Variants in CALCR observed in about 807,000 individuals in gnomAD.
CALCR encodes the protein calcitonin receptor.
Under a neutral mutation model 59.5 loss-of-function variants are expected in CALCR, and 47 were observed. The ratio of observed to expected loss-of-function variants is 0.79; its 90% CI spans 0.63 to 1.01. The LOEUF is 1.01. Ranked by LOEUF, CALCR falls within the 50% of genes least tolerant of loss-of-function variation. The pLI, the probability that CALCR is intolerant of heterozygous loss-of-function variation, is 0.00. For missense variants in CALCR, 566 were observed against 597.1 expected, an observed-to-expected ratio of 0.95 and a Z score of 0.54; for synonymous variants, 213 against 211.3, an observed-to-expected ratio of 1.01 and a Z score of -0.07.
At chr7:93,565,789 T>C (rs1432118996) in intron 2 of CALCR, among the ~76,000 whole-genome samples, 3 of 152,216 alleles carry the variant, frequency 2.0e-5, no homozygotes. Flanking sequence ...TCTGTGAATC[T>C]TGGGCGAAAG....
chr7:93,527,620 C>T (rs1250320212), intron 2 of CALCR, among the ~76,000 whole-genome samples: 2 of 152,110 alleles, frequency 1.3e-5, no homozygotes, highest in Non-Finnish European at 2.9e-5. Flanking sequence ...TAGCAAATAA[C>T]TGACTGGTTC....
At chr7:93,461,934 A>T in intron 7 of CALCR, 1 of 640,644 alleles carries the variant, frequency 1.6e-6, no homozygotes, top group South Asian at 1.8e-5. Context: ...GAGAGCGTAA[A>T]ACATGCCAAT....
At chr7:93,554,389 C>A (rs1196448195) in intron 2 of CALCR, among the ~76,000 whole-genome samples, 1 of 151,944 alleles carries the variant, frequency 6.6e-6, no homozygotes, top group Non-Finnish European at 1.5e-5. Flanking sequence ...GAATAAGAAC[C>A]ACCTTACATA....
chr7:93,426,613 T>A (rs1456970023), intron 13 of CALCR, 24 bp from the exon 14 acceptor site: 2 of 1,214,274 alleles, frequency 1.6e-6, no homozygotes, highest in South Asian at 2.6e-5. Flanking sequence ...AGGAGCCTTG[T>A]TTTTATATGA....
chr7:93,481,683 C>A (rs537718519), intron 3 of CALCR, among the ~76,000 whole-genome samples: 2 of 151,828 alleles, frequency 1.3e-5, no homozygotes, highest in Admixed American at 6.6e-5. Context: ...ATTATTATAA[C>A]ATTACTGTGA....
At chr7:93,448,733 T>G (rs909132040) in intron 8 of CALCR, among the ~76,000 whole-genome samples, 5 of 151,956 alleles carry the variant, frequency 3.3e-5, no homozygotes, top group African/African-American at 9.7e-5. Context: ...TCTACCCAGT[T>G]TGTGTGAAAA....
At chr7:93,481,464 C>G (rs190144757) in intron 3 of CALCR, among the ~76,000 whole-genome samples, 2 of 151,812 alleles carry the variant, frequency 1.3e-5, no homozygotes, top group East Asian at 3.9e-4. Context: ...GAATGGGAAA[C>G]AGTAATAGTC....
chr7:93,460,593 G>GTGTATATATATATATA (rs1296016997), intron 8 of CALCR, among the ~76,000 whole-genome samples: 1 of 89,378 alleles, frequency 1.1e-5, no homozygotes, highest in African/African-American at 5.3e-5. Flanking sequence ...ATATATATAT[G>GTGTATATATATATATA]TATATATATA....
intron 6 of CALCR, among the ~76,000 whole-genome samples, chr7:93,469,770 G>C (rs1254092746): frequency 1.3e-5 from 2 of 151,542 alleles, no homozygotes; most frequent in Non-Finnish European, 2.9e-5. Context: ...CTTGGCTTTT[G>C]GTCTTAAGTT....
At chr7:93,460,597 A>ATATATATATATG (rs1554397848) in intron 8 of CALCR, among the ~76,000 whole-genome samples, 3 of 133,762 alleles carry the variant, frequency 2.2e-5, no homozygotes, top group African/African-American at 6.0e-5. Flanking sequence ...ATATATGTAT[A>ATATATATATATG]TATATATATA....
chr7:93,524,272 C>A (rs1202677076), intron 2 of CALCR, among the ~76,000 whole-genome samples: 1 of 151,368 alleles, frequency 6.6e-6, no homozygotes, highest in Admixed American at 6.6e-5. Flanking sequence ...CTGGTTCACG[C>A]CATTCTCCTG....
intron 2 of CALCR, among the ~76,000 whole-genome samples, chr7:93,566,382 C>T (rs1326542884): frequency 6.6e-6 from 1 of 151,982 alleles, no homozygotes; most frequent in Non-Finnish European, 1.5e-5. Flanking sequence ...GTCACAGTTC[C>T]GGTGGCCTGA....
Position 93,460,900 on chromosome 7 carries a change from G to A in CALCR, c.569C>T (p.Thr190Ile). 1.2e-6 allele frequency: 2 copies of A among 1,611,950 alleles called. No individual in the cohort carries two copies. Among genetic ancestry groups the A allele is most frequent in the Non-Finnish European group, 1.7e-6 (2 of 1,178,812 alleles). The change falls in exon 8 of 14, where the codon ACT becomes ATT. Residue 190 changes from threonine (T) to isoleucine (I), a missense_variant. By Grantham distance (89) the Thr-to-Ile change is moderately conservative (BLOSUM62 -1). Transcript: ENST00000426151. ...RVTLHKNMFL[T>I]YILNSMIIII... ...GATAATCATAGAATTCAGAATGTAA[G>A]TAAGAAACATGTTCTTGTGCAGGGT...
chr7:93,436,594 G>T (rs1365096416), intron 11 of CALCR, among the ~76,000 whole-genome samples: 4 of 152,090 alleles, frequency 2.6e-5, no homozygotes, highest in South Asian at 2.1e-4. Context: ...TCTAAGTTTT[G>T]TCTTTTCAGT....
At chr7:93,429,479 AT>A (rs1396341333) in intron 13 of CALCR, among the ~76,000 whole-genome samples, 2 of 152,226 alleles carry the variant, frequency 1.3e-5, no homozygotes, top group African/African-American at 4.8e-5. Flanking sequence ...GATTATATCT[AT>A]TTATGTATTG....
intron 2 of CALCR, among the ~76,000 whole-genome samples, chr7:93,549,050 G>T (rs1216991773): frequency 1.3e-5 from 2 of 152,022 alleles, no homozygotes; most frequent in Non-Finnish European, 2.9e-5. Flanking sequence ...GAAGGGAAAT[G>T]GAAATATAGT....
chr7:93,436,086 G>C lies in CALCR; in HGVS notation c.1015C>G (p.Leu339Val). ...ETHEAESHMY[L>V]KAVKATMILV... ...ATCATGGTGGCCTTCACAGCCTTCA[G>C]GTACATGTGGGATTCCGCCTCATGG... The change falls in exon 12 of 14, where the codon CTG (leucine) becomes GTG (valine). Residue 339 changes from leucine to valine, a missense_variant. Coordinates refer to ENST00000426151, the MANE Select transcript of CALCR (RefSeq NM_001742.4). 6.2e-7 allele frequency: 1 copy of C among 1,614,102 alleles called. No individual in the cohort carries two copies. Among genetic ancestry groups the C allele is most frequent in the East Asian group, 2.2e-5 (1 of 44,890 alleles).
chr7:93,475,050 T>C (rs954878087), intron 5 of CALCR, among the ~76,000 whole-genome samples: 1 of 151,720 alleles, frequency 6.6e-6, no homozygotes, highest in Admixed American at 6.6e-5. Flanking sequence ...TAGTTTTGGT[T>C]ACTCAATCTG....
At chr7:93,524,458 C>G (rs1489648222) in intron 2 of CALCR, among the ~76,000 whole-genome samples, 1 of 152,134 alleles carries the variant, frequency 6.6e-6, no homozygotes, top group East Asian at 1.9e-4. Context: ...GCGTGAAACA[C>G]CGTGCCCAGC....
Sources: gnomAD v4.1 joint callset for allele counts (sites outside exome capture counted in the v4.1 genomes callset) on GRCh38, gnomAD v4.1.1 for gene constraint, MANE v1.5 for transcripts, NCBI Gene and HGNC (gene_info 2026-07-23, HGNC 2026-07-21) for gene names.